Variants in COL9A1 observed in about 807,000 individuals in gnomAD.
The protein encoded by COL9A1 is collagen type IX alpha 1 chain, also known as collagen alpha-1(IX) chain.
A neutral mutation model predicts 142.6 loss-of-function variants in COL9A1; 104 were observed. The ratio of observed to expected loss-of-function variants is 0.73; its 90% confidence interval spans 0.62 to 0.86. The LOEUF is 0.86. Among genes scored for constraint, COL9A1 ranks in the 40% least tolerant of loss-of-function variants. The pLI is 0.00. For synonymous variants in COL9A1, 466 were observed against 396.0 expected (o/e 1.18, Z -2.10); for missense variants, 1,210 against 1,176.6 (o/e 1.03, Z -0.42).
At chr6:70,284,279 G>GA (rs919114176) in intron 5 of COL9A1, among the ~76,000 whole-genome samples, 4 of 149,600 alleles carry the variant, frequency 2.7e-5, no homozygotes, top group African/African-American at 4.9e-5. Context: ...ATTAGAGACA[G>GA]AAAAAAAAAG....
At chr6:70,248,912 T>C (rs1003815132) in intron 28 of COL9A1, among the ~76,000 whole-genome samples, 6 of 152,162 alleles carry the variant, frequency 3.9e-5, no homozygotes, top group Admixed American at 2.0e-4. Flanking sequence ...CAGGGCATAA[T>C]TGAAATGTTT....
intron 36 of COL9A1, among the ~76,000 whole-genome samples, chr6:70,226,607 A>T (rs999637420): frequency 1.3e-5 from 2 of 152,100 alleles, no homozygotes; most frequent in Admixed American, 1.3e-4. Context: ...GACATAGTAA[A>T]AAAGATACCA....
In COL9A1 at chr6:70,256,718, C is replaced by T. The variant is rs369102437; in HGVS notation, c.1503+50G>A. 6 of 1,339,120 alleles carry T rather than the reference C, an allele frequency of 4.5e-6. No homozygotes were observed. The East Asian group carries it at 1.1e-4, about 24-fold the overall frequency. 83.0% of individuals were successfully genotyped at this position (1,339,120 alleles called of 1,614,324 possible). ...ATACTGCACACACATGCATACATAG[C>T]AAAAAAAAAAAAATCTATCATTGGG... On this transcript the variant is annotated intron_variant, in intron 21 of 37. Coordinates refer to ENST00000357250, the MANE Select transcript of COL9A1 (RefSeq NM_001851.6).
At chr6:70,233,694 C>G (rs900592829) in intron 35 of COL9A1, among the ~76,000 whole-genome samples, 8 of 152,136 alleles carry the variant, frequency 5.3e-5, no homozygotes, top group Admixed American at 5.2e-4. Flanking sequence ...ACTTTCAGGA[C>G]AAAATGTCTG....
chr6:70,234,174 C>T (rs903459008), intron 35 of COL9A1, among the ~76,000 whole-genome samples: 1 of 151,876 alleles, frequency 6.6e-6, no homozygotes, highest in Non-Finnish European at 1.5e-5. Flanking sequence ...TAGGTACACA[C>T]TAAGTGGTAG....
intron 4 of COL9A1, among the ~76,000 whole-genome samples, chr6:70,298,067 C>T (rs552853991): frequency 8.0e-4 from 122 of 152,230 alleles, no homozygotes; most frequent in Middle Eastern, 3.4e-3. Flanking sequence ...CTCGTATGGC[C>T]GAGAGCAATT....
intron 37 of COL9A1, among the ~76,000 whole-genome samples, chr6:70,223,632 A>C (rs1769031000): frequency 6.6e-6 from 1 of 152,208 alleles, no homozygotes; most frequent in South Asian, 2.1e-4. Flanking sequence ...CTCGAAACCC[A>C]AGCCCTCAGC....
intron 31 of COL9A1, among the ~76,000 whole-genome samples, chr6:70,240,952 T>C (rs1424010975): frequency 6.6e-6 from 1 of 152,142 alleles, no homozygotes; most frequent in African/African-American, 2.4e-5. Flanking sequence ...GAGTTTCAGC[T>C]AGAATGAAGG....
intron 16 of COL9A1, 64 bp from the exon 17 acceptor site, chr6:70,268,924 G>A (rs781736124): frequency 1.1e-5 from 15 of 1,385,484 alleles, no homozygotes; most frequent in East Asian, 9.1e-5. Flanking sequence ...TAGGACTCCC[G>A]CTTTGTGACA....
intron 4 of COL9A1, 124 bp from the exon 5 acceptor site, chr6:70,294,687 A>G (rs1773788691): frequency 2.2e-6 from 2 of 891,348 alleles, no homozygotes; most frequent in South Asian, 3.0e-5. Context: ...GTAAAAACCT[A>G]TGTACCGTTT....
At chr6:70,242,349 A>C (rs558016541) in intron 29 of COL9A1, among the ~76,000 whole-genome samples, 1 of 152,230 alleles carries the variant, frequency 6.6e-6, no homozygotes, top group Non-Finnish European at 1.5e-5. Context: ...AGCTATGTAA[A>C]CAAGCACTGC....
intron 4 of COL9A1, among the ~76,000 whole-genome samples, chr6:70,295,856 C>T (rs927405123): frequency 2.0e-5 from 3 of 152,102 alleles, no homozygotes; most frequent in African/African-American, 4.8e-5. Context: ...TCCTTCTAAG[C>T]GTAGAAAAAT....
At chr6:70,252,350 G>A (rs1770997823) in intron 26 of COL9A1, 35 bp from the exon 27 acceptor site, 15 of 1,581,498 alleles carry the variant, frequency 9.5e-6, no homozygotes, top group Non-Finnish European at 1.2e-5. Context: ...AATAACTCAT[G>A]CTGAAGTAAG....
intron 35 of COL9A1, among the ~76,000 whole-genome samples, chr6:70,234,006 T>C (rs1769726167): frequency 6.6e-6 from 1 of 152,330 alleles, no homozygotes; most frequent in East Asian, 1.9e-4. Context: ...TTGATAAGGG[T>C]TAACAAGTAT....
chr6:70,229,640 T>TGGGGGGGGGGG (rs1769429408), intron 36 of COL9A1, among the ~76,000 whole-genome samples: 1 of 152,184 alleles, frequency 6.6e-6, no homozygotes, highest in Admixed American at 6.5e-5. Flanking sequence ...TATACAGCCT[T>TGGGGGGGGGGG]ACTCAAAGGG....
chr6:70,235,339 C>G (rs1479160369), intron 33 of COL9A1, among the ~76,000 whole-genome samples: 1 of 151,978 alleles, frequency 6.6e-6, no homozygotes, highest in Non-Finnish European at 1.5e-5. Flanking sequence ...TGTTGTCCCA[C>G]CTACTTGGGA....
chr6:70,239,788 G>C (rs1447035126), intron 32 of COL9A1, among the ~76,000 whole-genome samples: 1 of 152,208 alleles, frequency 6.6e-6, no homozygotes, highest in South Asian at 2.1e-4. Flanking sequence ...TATAAACTCA[G>C]CTCATGTTGG....
intron 30 of COL9A1, 99 bp downstream of exon 30, chr6:70,241,865 T>C: frequency 9.5e-7 from 1 of 1,057,056 alleles, no homozygotes; most frequent in Non-Finnish European, 1.4e-6. Context: ...TGATAAATTC[T>C]AGAAAATTCT....
At chr6:70,219,950 C>T (rs1031425116) in intron 37 of COL9A1, among the ~76,000 whole-genome samples, 1 of 152,226 alleles carries the variant, frequency 6.6e-6, no homozygotes, top group Non-Finnish European at 1.5e-5. Context: ...TCCCCATCAA[C>T]ACACTTCAGG....
Sources: allele counts gnomAD v4.1 joint callset (sites outside exome capture counted in the v4.1 genomes callset), GRCh38; gene constraint gnomAD v4.1.1; transcripts MANE v1.5; gene names NCBI Gene and HGNC (gene_info 2026-07-23, HGNC 2026-07-21).